The following SAMMSON variants were observed in gnomAD, a reference collection of about 807,000 sequenced individuals.
SAMMSON encodes the protein survival associated mitochondrial melanoma specific oncogenic non-coding RNA, also known as long intergenic non-protein coding RNA 1212.
At chr3:70,069,889 T>C (rs1480917849) in intron 3 of SAMMSON, 1 of 152,056 alleles carries the variant, frequency 6.6e-6, no homozygotes, top group Admixed American at 6.6e-5. Context: ...GTACAGAGAT[T>C]AGGGCAAATA....
At chr3:70,429,144 A>G (rs917288033) in intron 2 of SAMMSON, among the ~76,000 whole-genome samples, 1 of 152,110 alleles carries the variant, frequency 6.6e-6, no homozygotes, top group African/African-American at 2.4e-5. Flanking sequence ...ATTTTTGTAT[A>G]AGGTATAAGA....
intron 4 of SAMMSON, chr3:70,206,678 A>C (rs1256110293): frequency 5.0e-6 from 2 of 397,800 alleles, no homozygotes; most frequent in Non-Finnish European, 8.9e-6. Flanking sequence ...GTTTTTTCTC[A>C]TTGGGGTTTT....
At chr3:70,306,495 C>T (rs1269781795) in intron 7 of SAMMSON, among the ~76,000 whole-genome samples, 2 of 151,972 alleles carry the variant, frequency 1.3e-5, no homozygotes, top group East Asian at 3.9e-4. Flanking sequence ...AAAATAACTA[C>T]AGAACTCTCA....
At chr3:70,251,575 G>C (rs1169646471) in intron 6 of SAMMSON, among the ~76,000 whole-genome samples, 1 of 152,106 alleles carries the variant, frequency 6.6e-6, no homozygotes, top group Non-Finnish European at 1.5e-5. Context: ...TTTCTGGAAG[G>C]CTTAGTGGCT....
At chr3:70,126,461 T>A in intron 4 of SAMMSON, 1 of 667,206 alleles carries the variant, frequency 1.5e-6, no homozygotes, top group Middle Eastern at 3.1e-4. Flanking sequence ...CAACCGTGCC[T>A]TGAAGTACTT....
intron 4 of SAMMSON, among the ~76,000 whole-genome samples, chr3:70,245,960 T>G (rs938744850): frequency 1.3e-5 from 2 of 151,522 alleles, no homozygotes; most frequent in Admixed American, 1.3e-4. Context: ...GCTTTGTTCT[T>G]TTGATATGGT....
chr3:70,370,470 G>T (rs1198833525), intron 9 of SAMMSON, among the ~76,000 whole-genome samples: 1 of 151,894 alleles, frequency 6.6e-6, no homozygotes, highest in African/African-American at 2.4e-5. Context: ...GTCAGCATCT[G>T]TTATTTTTGG....
intron 7 of SAMMSON, among the ~76,000 whole-genome samples, chr3:70,325,780 T>C (rs1486258906): frequency 1.3e-5 from 2 of 152,120 alleles, no homozygotes; most frequent in African/African-American, 2.4e-5. Flanking sequence ...AACTGGTAGG[T>C]ATATCAGATT....
At chr3:70,072,763 C>T (rs1389364517) in intron 4 of SAMMSON, 3 of 151,142 alleles carry the variant, frequency 2.0e-5, no homozygotes, top group African/African-American at 7.3e-5. Flanking sequence ...AGGCCAAATA[C>T]GTGATACACA....
chr3:70,357,721 A>C (rs1702840009), intron 8 of SAMMSON, among the ~76,000 whole-genome samples: 2 of 152,178 alleles, frequency 1.3e-5, no homozygotes, highest in South Asian at 4.1e-4. Context: ...AAATTTTAAA[A>C]AAAGAAACAT....
At chr3:70,267,749 A>T (rs527405505) in intron 6 of SAMMSON, among the ~76,000 whole-genome samples, 29 of 152,068 alleles carry the variant, frequency 1.9e-4, no homozygotes, top group African/African-American at 6.5e-4. Flanking sequence ...GCTTCACAGT[A>T]AAAGATTTCA....
At chr3:70,244,188 G>C (rs901671199) in intron 4 of SAMMSON, among the ~76,000 whole-genome samples, 7 of 152,206 alleles carry the variant, frequency 4.6e-5, no homozygotes, top group East Asian at 1.9e-4. Context: ...AATTGCTGAG[G>C]ACCAATTTTA....
At chr3:70,172,221 T>C (rs1388746719) in intron 4 of SAMMSON, 1 of 151,804 alleles carries the variant, frequency 6.6e-6, no homozygotes. Context: ...GGCTAGTTAG[T>C]TATTGGAACA....
intron 2 of SAMMSON, among the ~76,000 whole-genome samples, chr3:70,396,160 C>T (rs886107748): frequency 1.3e-5 from 2 of 152,092 alleles, no homozygotes; most frequent in Non-Finnish European, 2.9e-5. Context: ...AATGATGACT[C>T]TTATTTTCTC....
chr3:70,195,228 T>G (rs1701164273), intron 4 of SAMMSON, among the ~76,000 whole-genome samples: 3 of 152,202 alleles, frequency 2.0e-5, no homozygotes, highest in African/African-American at 7.2e-5. Context: ...TTTTTTCTTC[T>G]AATGATCTAC....
chr3:70,225,397 T>G (rs1421818391), intron 4 of SAMMSON, among the ~76,000 whole-genome samples: 2 of 152,218 alleles, frequency 1.3e-5, no homozygotes, highest in Non-Finnish European at 2.9e-5. Context: ...CATGACTCAG[T>G]TAACAATGCT....
At chr3:70,112,048 A>G (rs981910173) in intron 4 of SAMMSON, among the ~76,000 whole-genome samples, 2 of 152,190 alleles carry the variant, frequency 1.3e-5, no homozygotes, top group African/African-American at 4.8e-5. Context: ...GATAATGTGA[A>G]CTATTAATGA....
At chr3:70,201,968 T>C (rs1421604904) in intron 4 of SAMMSON, among the ~76,000 whole-genome samples, 1 of 152,200 alleles carries the variant, frequency 6.6e-6, no homozygotes, top group Non-Finnish European at 1.5e-5. Context: ...TCTTAGGCAG[T>C]GGTTTTATCT....
At chr3:70,106,459 G>T (rs1455792931) in intron 4 of SAMMSON, among the ~76,000 whole-genome samples, 1 of 151,210 alleles carries the variant, frequency 6.6e-6, no homozygotes, top group East Asian at 2.0e-4. Context: ...TCACACCCCA[G>T]CCTCCTGAGT....
Sources: allele counts gnomAD v4.1 joint callset (sites outside exome capture counted in the v4.1 genomes callset), GRCh38; gene constraint gnomAD v4.1.1; transcripts MANE v1.5; gene names NCBI Gene and HGNC (gene_info 2026-07-23, HGNC 2026-07-21).